CARMIL1: variants seen among roughly 807,000 people sequenced by gnomAD.
CARMIL1 encodes capping protein regulator and myosin 1 linker 1.
CARMIL1 carries 90 observed loss-of-function variants against 177.1 expected under a neutral mutation model. That is an observed-to-expected ratio of 0.51 (90% CI 0.43 to 0.61). The LOEUF (loss-of-function observed/expected upper bound fraction) is 0.61. Ranked by LOEUF, CARMIL1 falls within the 20% of genes least tolerant of loss-of-function variation. The pLI is 0.00. For missense variants in CARMIL1, 1,380 were observed against 1,667.0 expected (o/e 0.83, Z 3.00); for synonymous variants, 577 against 606.2 (o/e 0.95, Z 0.71).
chr6:25,395,134 G>T (rs1295776494), intron 2 of CARMIL1, among the ~76,000 whole-genome samples: 1 of 152,140 alleles, frequency 6.6e-6, no homozygotes, highest in Non-Finnish European at 1.5e-5. Flanking sequence ...CTAGGAGCTC[G>T]CTGAATTGGC....
At chr6:25,587,786 T>C (rs989255426) in intron 31 of CARMIL1, among the ~76,000 whole-genome samples, 5 of 152,224 alleles carry the variant, frequency 3.3e-5, no homozygotes, top group African/African-American at 1.2e-4. Flanking sequence ...TCAGTTGAAT[T>C]GACTGTCAGA....
At chr6:25,333,580 T>C (rs375464369) in intron 2 of CARMIL1, among the ~76,000 whole-genome samples, 14 of 152,256 alleles carry the variant, frequency 9.2e-5, no homozygotes, top group African/African-American at 2.9e-4. Context: ...AATAAAAATA[T>C]GTTTTGTGCT....
chr6:25,307,854 C>A (rs1402007045), intron 2 of CARMIL1, among the ~76,000 whole-genome samples: 1 of 151,858 alleles, frequency 6.6e-6, no homozygotes, highest in Non-Finnish European at 1.5e-5. Flanking sequence ...TGAGGGATAG[C>A]TAAAAGATGG....
At chr6:25,306,356 G>A (rs1211543349) in intron 2 of CARMIL1, among the ~76,000 whole-genome samples, 1 of 152,028 alleles carries the variant, frequency 6.6e-6, no homozygotes, top group Non-Finnish European at 1.5e-5. Flanking sequence ...TCAGATCAGC[G>A]GTGGCATTAG....
intron 2 of CARMIL1, among the ~76,000 whole-genome samples, chr6:25,359,957 A>G (rs1789014562): frequency 6.6e-6 from 1 of 152,206 alleles, no homozygotes; most frequent in Non-Finnish European, 1.5e-5. Context: ...GCATTATTGG[A>G]CTAAATGATG....
intron 2 of CARMIL1, among the ~76,000 whole-genome samples, chr6:25,384,281 C>T (rs1791920131): frequency 6.6e-6 from 1 of 152,366 alleles, no homozygotes; most frequent in African/African-American, 2.4e-5. Flanking sequence ...ACACAGCTCA[C>T]ACGCAGCAAC....
At chr6:25,429,502 G>T (rs1796553871) in intron 4 of CARMIL1, among the ~76,000 whole-genome samples, 1 of 152,194 alleles carries the variant, frequency 6.6e-6, no homozygotes, top group Admixed American at 6.5e-5. Context: ...TTATAAGACA[G>T]TGCTGAATGG....
At chr6:25,451,097 C>T (rs536578587) in intron 8 of CARMIL1, among the ~76,000 whole-genome samples, 11 of 145,612 alleles carry the variant, frequency 7.6e-5, no homozygotes, top group Admixed American at 2.2e-4. Context: ...TAAGAGGAAT[C>T]AGTACAATCT....
intron 31 of CARMIL1, among the ~76,000 whole-genome samples, chr6:25,581,907 C>G (rs1813156038): frequency 6.6e-6 from 1 of 152,178 alleles, no homozygotes; most frequent in Non-Finnish European, 1.5e-5. Flanking sequence ...TGGAGAAGAG[C>G]CCTAAGTGGG....
At chr6:25,531,938 T>C (rs1350317088) in intron 24 of CARMIL1, among the ~76,000 whole-genome samples, 1 of 152,036 alleles carries the variant, frequency 6.6e-6, no homozygotes, top group African/African-American at 2.4e-5. Context: ...ACCCAGCTAA[T>C]TTTTGTATCT....
At chr6:25,564,261 C>T (rs143576265) in intron 29 of CARMIL1, among the ~76,000 whole-genome samples, 1 of 152,296 alleles carries the variant, frequency 6.6e-6, no homozygotes, top group African/African-American at 2.4e-5. Flanking sequence ...TATTTCTCCA[C>T]TGCACTGTCC....
chr6:25,593,512 A>T (rs973834470), intron 31 of CARMIL1, among the ~76,000 whole-genome samples: 2 of 152,224 alleles, frequency 1.3e-5, no homozygotes, highest in Non-Finnish European at 2.9e-5. Context: ...GAAATACTCA[A>T]TACTGACTCA....
intron 2 of CARMIL1, among the ~76,000 whole-genome samples, chr6:25,322,338 G>A (rs975119591): frequency 6.6e-6 from 1 of 151,828 alleles, no homozygotes; most frequent in African/African-American, 2.4e-5. Context: ...GGCCAGGCTA[G>A]TCTCAAACTC....
rs760562770 is a variant in CARMIL1, at chr6:25,604,822, A to G, written c.3563A>G (p.Asn1188Ser). The G allele has an allele frequency of 2.5e-6, 4 of 1,590,068 alleles. No homozygotes were observed. The highest frequency in any genetic ancestry group is 3.5e-5 in the Admixed American group (2 of 56,844). Residue 1188 changes from asparagine to serine, a missense_variant, in exon 34 of 37, where the codon AAT becomes AGT. Coordinates refer to ENST00000329474, the MANE Select transcript of CARMIL1 (RefSeq NM_017640.6). ...RAACAQKKLGNDAVSQDSSSP... is the reference protein window; with the variant it reads ...RAACAQKKLGSDAVSQDSSSP... The stretch of plus-strand genomic sequence containing the variant: ...GCTTGAATTTTTTAGAAGCTTGGGA[A>G]TGATGCCGTATCCCAGGATTCTTCC...
At chr6:25,578,588 G>A (rs1812812256) in intron 29 of CARMIL1, among the ~76,000 whole-genome samples, 1 of 152,078 alleles carries the variant, frequency 6.6e-6, no homozygotes, top group Admixed American at 6.5e-5. Flanking sequence ...TAAAAATATG[G>A]GAGAAATGAG....
intron 2 of CARMIL1, among the ~76,000 whole-genome samples, chr6:25,305,794 T>C (rs1340078993): frequency 3.3e-5 from 5 of 152,190 alleles, no homozygotes; most frequent in Admixed American, 2.6e-4. Context: ...GTAGCTGATA[T>C]ATAGGTTACC....
intron 2 of CARMIL1, among the ~76,000 whole-genome samples, chr6:25,287,947 G>A (rs2744287): frequency 0.27 from 40,855 of 152,110 alleles, 8,113 homozygotes; most frequent in African/African-American, 0.55. Context: ...GGCACATGGT[G>A]TATACAAAAT....
rs1186873974 is a variant in CARMIL1, at chr6:25,279,663, C to T, written c.-133C>T. On this transcript the variant is annotated 5_prime_UTR_variant, in exon 1 of 37. Transcript: ENST00000329474. ...GGCGCGCGGCAAAATTCTGTCTCCG[C>T]CCCCCCTTTTCTTGCCCACTTCCAT... is the stretch of plus-strand genomic sequence containing the variant. 7 of 804,322 alleles carry T rather than the reference C, an allele frequency of 8.7e-6. No homozygotes were observed. In the African/African-American group the frequency reaches 1.2e-4, roughly 14 times the overall value. The allele number at this position is 804,322 out of a possible 1,614,324, so 49.8% of individuals were successfully genotyped here.
chr6:25,426,441 T>G, intron 3 of CARMIL1, 60 bp from the exon 4 acceptor site: 1 of 1,238,430 alleles, frequency 8.1e-7, no homozygotes. Flanking sequence ...CCTTAAGTTA[T>G]ATGTTTTTTT....
Sources: allele counts gnomAD v4.1 joint callset (sites outside exome capture counted in the v4.1 genomes callset), GRCh38; gene constraint gnomAD v4.1.1; transcripts MANE v1.5; gene names NCBI Gene and HGNC (gene_info 2026-07-23, HGNC 2026-07-21).